The following TSC2 variants were observed in gnomAD, a reference collection of about 807,000 sequenced individuals.
TSC2 encodes tuberin.
In TSC2, 29 loss-of-function variants were observed where a neutral mutation model predicts 202.2. The observed-to-expected ratio is 0.14, with a 90% CI of 0.11 to 0.20. The LOEUF is 0.20. TSC2 is among the 10% of genes least tolerant of loss of function. The pLI, the probability that TSC2 is intolerant of heterozygous loss-of-function variation, is 1.00. For synonymous variants in TSC2, 1,349 were observed against 1,044.0 expected, an observed-to-expected ratio of 1.29 and a Z score of -5.63; for missense variants, 2,429 against 2,420.0, an observed-to-expected ratio of 1.00 and a Z score of -0.08.
Position 2,072,830 on chromosome 16 carries a change from G to A in TSC2, c.2221-19G>A, listed in dbSNP as rs775879508. On this transcript the variant is annotated intron_variant, in intron 20 of 41. Transcript: ENST00000219476. ...CCTGGCCGCTGGGGAGAGGTTTCAT[G>A]CCTGGATTTGGTCATCAGCTTTCAG... 6.8e-6 allele frequency: 11 copies of A among 1,613,256 alleles called. No homozygotes were observed. In the East Asian group the frequency reaches 1.3e-4, roughly 20 times the overall value.
intron 13 of TSC2, 37 bp from the exon 14 acceptor site, chr16:2,062,935 C>T (rs2086815267): frequency 1.3e-6 from 2 of 1,542,532 alleles, no homozygotes; most frequent in Admixed American, 2.0e-5. Context: ...TGTGGCCGGG[C>T]ACTCCCCACC....
intron 31 of TSC2, 196 bp from the exon 32 acceptor site, chr16:2,082,240 T>G (rs2090231271): frequency 1.6e-6 from 1 of 643,966 alleles, no homozygotes; most frequent in Non-Finnish European, 2.7e-6. Context: ...AGGACGTCTA[T>G]TCACGGGAGG....
At chr16:2,069,437 C>T (rs2087883456) in intron 16 of TSC2, among the ~76,000 whole-genome samples, 1 of 151,780 alleles carries the variant, frequency 6.6e-6, no homozygotes, top group African/African-American at 2.4e-5. Flanking sequence ...CTGCCTCAGT[C>T]TCCTGAGTAG....
chr16:2,050,505 G>C lies in TSC2; in HGVS notation c.225+19G>C, dbSNP rs980875984. ...TGAAGAGGTAGGTTTATCCAGTTGA[G>C]CTACTAGAGAGAGGCACGTAGACTA... is the stretch of plus-strand genomic sequence containing the variant. On this transcript the variant is annotated intron_variant, in intron 3 of 41. Transcript: ENST00000219476. 2 of 1,610,750 alleles carry C rather than the reference G, an allele frequency of 1.2e-6. No homozygotes were observed. The highest frequency in any genetic ancestry group is 2.7e-5 in the African/African-American group (2 of 74,776).
At chr16:2,073,085 G>A (rs1211290005) in intron 21 of TSC2, 102 bp downstream of exon 21, 2 of 1,560,164 alleles carry the variant, frequency 1.3e-6, no homozygotes, top group African/African-American at 2.7e-5. Flanking sequence ...TTTCTGCCAG[G>A]CCAGGGATGA....
At chr16:2,052,508 CTG>C (rs1567392636) in intron 3 of TSC2, among the ~76,000 whole-genome samples, 1 of 152,170 alleles carries the variant, frequency 6.6e-6, no homozygotes, top group African/African-American at 2.4e-5. Context: ...CAGGGTCTCA[CTG>C]TGTTGCCCAG....
Position 2,062,985 on chromosome 16 carries a change from G to T in TSC2, c.1375G>T (p.Gly459Cys), listed in dbSNP as rs1567432890. 2 of 1,550,956 alleles carry T rather than the reference G, an allele frequency of 1.3e-6. No homozygotes were observed. Among genetic ancestry groups the T allele is most frequent in the Non-Finnish European group, 1.7e-6 (2 of 1,146,854 alleles). The change falls in exon 14 of 42, where the codon GGC (glycine) becomes TGC (cysteine). Residue 459 changes from glycine to cysteine, a missense_variant. By Grantham distance (159) the Gly-to-Cys change is radical. Coordinates refer to ENST00000219476, the MANE Select transcript of TSC2 (RefSeq NM_000548.5). ...GCCGTCCCGCAGGAGCGAGTCCCGA[G>T]GCGCCGTGCGCATCAAGGTGCTGGA... ...MERFFRSESRGAVRIKVLDVL... is the reference protein window; with the variant it reads ...MERFFRSESRCAVRIKVLDVL...
In TSC2 at chr16:2,055,182, C is replaced by T. The variant is rs905322099; in HGVS notation, c.482-220C>T. On this transcript the variant is annotated intron_variant, in intron 5 of 41. Transcript: ENST00000219476. Reference sequence around the variant, plus strand: ...CTCGGCACAGACCCTCTGTGCAGCCCCAGGGGCGGTAGATCCTAGTGTCCG... The same window carrying T: ...CTCGGCACAGACCCTCTGTGCAGCCTCAGGGGCGGTAGATCCTAGTGTCCG... 13 of 630,228 alleles carry T rather than the reference C, an allele frequency of 2.1e-5. No homozygotes were observed. In the Admixed American group the frequency reaches 2.4e-4, roughly 12 times the overall value. The allele number at this position is 630,228 out of a possible 1,614,324, so 39.0% of individuals were successfully genotyped here.
intron 32 of TSC2, 149 bp downstream of exon 32, chr16:2,082,653 C>T (rs2090287398): frequency 2.3e-6 from 2 of 876,346 alleles, no homozygotes; most frequent in Admixed American, 2.0e-5. Flanking sequence ...GACGTCTGTG[C>T]AGAATGTCTT....
intron 32 of TSC2, chr16:2,083,404 C>G: frequency 1.8e-6 from 1 of 561,020 alleles, no homozygotes; most frequent in South Asian, 1.9e-5. Context: ...CGTCTTGCCC[C>G]TGCCTACCTG....
At chr16:2,053,522 C>T (rs930686955) in intron 4 of TSC2, 70 bp downstream of exon 4, 12 of 1,428,502 alleles carry the variant, frequency 8.4e-6, no homozygotes, top group African/African-American at 4.2e-5. Flanking sequence ...CCTGCTGGGC[C>T]GTGTTTGGAC....
At chr16:2,063,160 C>T (rs1414252598) in intron 14 of TSC2, 107 bp downstream of exon 14, 10 of 1,321,860 alleles carry the variant, frequency 7.6e-6, no homozygotes, top group Admixed American at 2.0e-5. Flanking sequence ...CCTGGGACTT[C>T]GGTCCTGCCG....
rs866408896 is a variant in TSC2, at chr16:2,060,569, G to A, written c.976-101G>A. On this transcript the variant is annotated intron_variant, in intron 10 of 41. Transcript: ENST00000219476. Reference sequence around the variant, plus strand: ...CTGATAAACGTGTGGTGGGCACTGCGCGCTCAGGCGTGCTACTCTCGGTCC... The same window carrying A: ...CTGATAAACGTGTGGTGGGCACTGCACGCTCAGGCGTGCTACTCTCGGTCC... The A allele has an allele frequency of 1.6e-4, 250 of 1,593,628 alleles. 2 individuals carry two copies. The Middle Eastern group carries it at 2.3e-3, about 15-fold the overall frequency.
rs2091244666 is a variant in TSC2 at position 2,088,722 on chromosome 16, C to CTCT, written c.*114_*116dup. On this transcript the variant is annotated 3_prime_UTR_variant, in exon 42 of 42. Transcript: ENST00000219476. ...AGAGGCACAGATTGCAGTCAGACAG[C>CTCT]TCTTTTATTGACTTTGTCTGCTTGG... 7.1e-7 allele frequency: 1 copy of CTCT among 1,400,306 alleles called. No homozygotes were observed. Among genetic ancestry groups the CTCT allele is most frequent in the Non-Finnish European group, 9.7e-7 (1 of 1,035,822 alleles). 86.7% of individuals were successfully genotyped at this position (1,400,306 alleles called of 1,614,324 possible).
rs2090419224 is a variant in TSC2 at position 2,083,713 on chromosome 16, A to G, written c.3902A>G (p.Glu1301Gly). Residue 1301 changes from glutamate to glycine, a missense_variant, in exon 33 of 42, where the codon GAG becomes GGG. Transcript: ENST00000219476. ...VSWADSAVVM[E>G]EGSPGEVPVL... The stretch of plus-strand genomic sequence containing the variant: ...CTCCCAGACTCCGCCGTGGTCATGG[A>G]GGAGGGAAGTCCGGGCGAGGTTCCT... 1 of 1,592,060 alleles carries G rather than the reference A, an allele frequency of 6.3e-7. No individual in the cohort carries two copies. Among genetic ancestry groups the G allele is most frequent in the Non-Finnish European group, 8.5e-7 (1 of 1,170,500 alleles).
rs141486629 is a variant in TSC2, at chr16:2,075,875, G to T, written c.2622G>T (p.Pro874=). The change falls in exon 23 of 42, where the codon CCG becomes CCT. Residue 874 remains proline, a synonymous_variant. Transcript: ENST00000219476. ...QYASVFAISL[P]YTNPSKFNQY... ...CCAGTGTGTTCGCCATCTCCCTGCC[G>T]TACACCAACCCCTCCAAGTGAGTGG... The T allele has an allele frequency of 5.6e-6, 9 of 1,612,994 alleles. No homozygotes were observed. Among genetic ancestry groups the T allele is most frequent in the Non-Finnish European group, 7.6e-6 (9 of 1,180,004 alleles).
intron 37 of TSC2, 149 bp from the exon 38 acceptor site, chr16:2,086,583 G>A (rs996369326): frequency 2.1e-6 from 3 of 1,409,372 alleles, no homozygotes; most frequent in African/African-American, 2.8e-5. Context: ...CTGCCCCTGG[G>A]GAGAGCCGAG....
In TSC2 at chr16:2,065,374, C is replaced by T. The variant is rs1051137032; in HGVS notation, c.1600-145C>T. 22 of 746,392 alleles carry T rather than the reference C, an allele frequency of 2.9e-5. No individual in the cohort carries two copies. In the Middle Eastern group the frequency reaches 1.2e-3, roughly 42 times the overall value. 46.2% of individuals were successfully genotyped at this position (746,392 alleles called of 1,614,324 possible). ...CTTGTAGTGAGCTGAGATTGTGCCA[C>T]CGCACTCCAGCCTGGGCGACAGAGC... is the stretch of plus-strand genomic sequence containing the variant. On this transcript the variant is annotated intron_variant, in intron 15 of 41. Coordinates refer to ENST00000219476, the MANE Select transcript of TSC2 (RefSeq NM_000548.5).
intron 31 of TSC2, 57 bp downstream of exon 31, chr16:2,081,855 G>C (rs1596401261): frequency 6.3e-7 from 1 of 1,586,390 alleles, no homozygotes; most frequent in Non-Finnish European, 8.6e-7. Flanking sequence ...TGGTGCTCCC[G>C]GTGACGGCAA....
Sources: allele counts gnomAD v4.1 joint callset (sites outside exome capture counted in the v4.1 genomes callset), GRCh38; gene constraint gnomAD v4.1.1; transcripts MANE v1.5; gene names NCBI Gene and HGNC (gene_info 2026-07-23, HGNC 2026-07-21).